Variants in SEM1 observed in about 807,000 individuals in gnomAD.
SEM1 encodes the protein SEM1 26S proteasome subunit.
A neutral mutation model predicts 12.7 loss-of-function variants in SEM1; 3 were observed. The observed-to-expected ratio is 0.24, with a 90% CI of 0.11 to 0.61. SEM1 has a LOEUF of 0.61. Among genes scored for constraint, SEM1 ranks in the 20% least tolerant of loss-of-function variants. SEM1 has a pLI of 0.88. For missense variants in SEM1, 59 were observed against 81.3 expected (o/e 0.73, Z 1.06); for synonymous variants, 30 against 27.8 (o/e 1.08, Z -0.25).
intron 2 of SEM1, among the ~76,000 whole-genome samples, chr7:96,567,893 T>G (rs1270522289): frequency 6.6e-6 from 1 of 151,184 alleles, no homozygotes. Flanking sequence ...TGGATCAATA[T>G]TCACAAAATG....
intron 2 of SEM1, among the ~76,000 whole-genome samples, chr7:96,566,185 A>G (rs1323056502): frequency 6.6e-6 from 1 of 151,748 alleles, no homozygotes; most frequent in Non-Finnish European, 1.5e-5. Flanking sequence ...AATATGCCGT[A>G]AAAAGTACAT....
At chr7:96,488,746 C>T (rs952431938) in intron 1 of SEM1, among the ~76,000 whole-genome samples, 1 of 152,022 alleles carries the variant, frequency 6.6e-6, no homozygotes, top group Non-Finnish European at 1.5e-5. Flanking sequence ...TTCCAGTTAC[C>T]CCATCCTTAG....
At chr7:96,651,523 G>T (rs1467935885) in intron 2 of SEM1, among the ~76,000 whole-genome samples, 1 of 152,158 alleles carries the variant, frequency 6.6e-6, no homozygotes, top group East Asian at 1.9e-4. Context: ...GACTGAAGAA[G>T]AAGCTTCAAC....
chr7:96,547,749 G>A (rs1397910339), intron 2 of SEM1, among the ~76,000 whole-genome samples: 1 of 152,090 alleles, frequency 6.6e-6, no homozygotes, highest in Non-Finnish European at 1.5e-5. Flanking sequence ...GATGATAGGA[G>A]TTGTAAAGTG....
At chr7:96,683,327 C>G (rs947302114) in intron 2 of SEM1, among the ~76,000 whole-genome samples, 1 of 152,098 alleles carries the variant, frequency 6.6e-6, no homozygotes, top group African/African-American at 2.4e-5. Context: ...ATCAAAACCA[C>G]AGTGAGATAC....
At chr7:96,612,639 T>G (rs1174023217) in intron 2 of SEM1, among the ~76,000 whole-genome samples, 4 of 152,220 alleles carry the variant, frequency 2.6e-5, no homozygotes, top group Non-Finnish European at 5.9e-5. Context: ...TGGTTTTTTT[T>G]GTTGTTTATA....
At chr7:96,621,349 CA>C (rs1220700422), downstream of SEM1, among the ~76,000 whole-genome samples, 2 of 151,970 alleles carry the variant, frequency 1.3e-5, no homozygotes, top group African/African-American at 4.8e-5. Flanking sequence ...TTCACAATTC[CA>C]AAAAGTTTCC....
chr7:96,641,772 A>G (rs1229162104), intron 2 of SEM1, among the ~76,000 whole-genome samples: 1 of 151,906 alleles, frequency 6.6e-6, no homozygotes, highest in Non-Finnish European at 1.5e-5. Context: ...TCCTATTTTC[A>G]GTAGTCCCCA....
chr7:96,695,601 G>A (rs1162536872), intron 1 of SEM1: 1 of 151,720 alleles, frequency 6.6e-6, no homozygotes, highest in Non-Finnish European at 1.5e-5. Flanking sequence ...TTATCTATTT[G>A]ATAGTTATTT....
exon 4 of SEM1, chr7:96,483,966 G>T: frequency 6.5e-7 from 1 of 1,530,848 alleles, no homozygotes; most frequent in Non-Finnish European, 8.7e-7. Flanking sequence ...GGGCTCAGTG[G>T]AGCAGTGGAA....
chr7:96,705,086 C>G (rs1224943660), intron 1 of SEM1, among the ~76,000 whole-genome samples: 1 of 152,080 alleles, frequency 6.6e-6, no homozygotes, highest in Admixed American at 6.6e-5. Flanking sequence ...CTCATTTATT[C>G]CAGAATGCTG....
intron 2 of SEM1, among the ~76,000 whole-genome samples, chr7:96,543,789 A>G (rs917884132): frequency 1.3e-5 from 2 of 152,114 alleles, no homozygotes; most frequent in East Asian, 1.9e-4. Flanking sequence ...AATATAATCA[A>G]TGAATCAGAA....
chr7:96,625,758 T>G (rs911454894), intron 2 of SEM1, among the ~76,000 whole-genome samples: 1 of 152,182 alleles, frequency 6.6e-6, no homozygotes, highest in Non-Finnish European at 1.5e-5. Flanking sequence ...GAACAGCAGT[T>G]CTTAAATTTG....
intron 2 of SEM1, among the ~76,000 whole-genome samples, chr7:96,537,555 TTAAA>T (rs1218152217): frequency 6.6e-6 from 1 of 151,712 alleles, no homozygotes; most frequent in Non-Finnish European, 1.5e-5. Context: ...TTTCAGTACT[TTAAA>T]TATTTACTTC....
At chr7:96,499,884 T>C (rs1803452644), upstream of SEM1, among the ~76,000 whole-genome samples, 1 of 152,120 alleles carries the variant, frequency 6.6e-6, no homozygotes, top group Non-Finnish European at 1.5e-5. Flanking sequence ...ATAGATCAAG[T>C]AGAATAAAAA....
intron 2 of SEM1, among the ~76,000 whole-genome samples, chr7:96,655,674 G>A (rs1296843082): frequency 7.2e-5 from 11 of 151,990 alleles, no homozygotes; most frequent in East Asian, 1.9e-4. Context: ...TGAACAAACC[G>A]ATCGCTCCCA....
At chr7:96,636,074 C>G (rs973511149) in intron 2 of SEM1, among the ~76,000 whole-genome samples, 1 of 151,886 alleles carries the variant, frequency 6.6e-6, no homozygotes, top group African/African-American at 2.4e-5. Flanking sequence ...GAAAACCAAA[C>G]AATTTTAGCA....
upstream of SEM1, among the ~76,000 whole-genome samples, chr7:96,499,550 C>A (rs1803434275): frequency 6.6e-6 from 1 of 152,172 alleles, no homozygotes; most frequent in Non-Finnish European, 1.5e-5. Flanking sequence ...TTTCAACGAG[C>A]ATTTACTAAA....
At chr7:96,578,760 T>C (rs772324087) in intron 2 of SEM1, among the ~76,000 whole-genome samples, 4 of 152,202 alleles carry the variant, frequency 2.6e-5, no homozygotes, top group Non-Finnish European at 5.9e-5. Flanking sequence ...TGAAACACAC[T>C]CAGCAAAATG....
Sources: gnomAD v4.1 joint callset for allele counts (sites outside exome capture counted in the v4.1 genomes callset) on GRCh38, gnomAD v4.1.1 for gene constraint, MANE v1.5 for transcripts, NCBI Gene and HGNC (gene_info 2026-07-23, HGNC 2026-07-21) for gene names.